KALRN: variants seen among roughly 807,000 people sequenced by gnomAD.
The protein encoded by KALRN is kalirin RhoGEF kinase.
Under a neutral mutation model 353.7 loss-of-function variants are expected in KALRN, and 70 were observed. That is an observed-to-expected ratio of 0.20 (90% CI 0.16 to 0.24). KALRN has a LOEUF of 0.24. Among genes scored for constraint, KALRN ranks in the 10% least tolerant of loss-of-function variants. KALRN has a pLI of 1.00. For synonymous variants in KALRN, 1,391 were observed against 1,434.8 expected (o/e 0.97, Z 0.69); for missense variants, 2,791 against 3,756.7 (o/e 0.74, Z 6.72).
chr3:124,357,029 C>A (rs991084650), intron 10 of KALRN, among the ~76,000 whole-genome samples: 1 of 152,212 alleles, frequency 6.6e-6, no homozygotes, highest in African/African-American at 2.4e-5. Flanking sequence ...TCACCTCCCA[C>A]CCCTTCCGGT....
At chr3:124,059,275 TTTC>T (rs1285210964) in intron 1 of KALRN, among the ~76,000 whole-genome samples, 1 of 152,212 alleles carries the variant, frequency 6.6e-6, no homozygotes, top group Non-Finnish European at 1.5e-5. Flanking sequence ...TGAAAAGTAT[TTTC>T]TTATTTATTT....
intron 34 of KALRN, among the ~76,000 whole-genome samples, chr3:124,568,384 A>G (rs1410533511): frequency 6.6e-6 from 1 of 152,234 alleles, no homozygotes; most frequent in African/African-American, 2.4e-5. Flanking sequence ...GAGAAATTGG[A>G]ACCCTTGTAC....
intron 1 of KALRN, among the ~76,000 whole-genome samples, chr3:124,071,959 T>A (rs111431676): frequency 1.5e-4 from 23 of 152,342 alleles, no homozygotes; most frequent in African/African-American, 4.8e-4. Flanking sequence ...CATCAGTTCT[T>A]GAGTCACAGA....
At chr3:124,480,506 C>T (rs1354507376) in intron 27 of KALRN, among the ~76,000 whole-genome samples, 1 of 152,186 alleles carries the variant, frequency 6.6e-6, no homozygotes, top group Non-Finnish European at 1.5e-5. Flanking sequence ...CCCTACATTG[C>T]ATACCTGGAC....
intron 27 of KALRN, among the ~76,000 whole-genome samples, chr3:124,479,396 A>G (rs2061737313): frequency 6.6e-6 from 1 of 152,122 alleles, no homozygotes; most frequent in Non-Finnish European, 1.5e-5. Context: ...TGCTTTCAAA[A>G]CTTTCCAAAA....
chr3:124,323,175 A>G (rs977534316), intron 6 of KALRN, among the ~76,000 whole-genome samples: 17 of 152,176 alleles, frequency 1.1e-4, no homozygotes, highest in Non-Finnish European at 1.5e-4. Flanking sequence ...GTTTTAATCT[A>G]TGATCACAGG....
intron 23 of KALRN, among the ~76,000 whole-genome samples, chr3:124,461,098 T>C (rs2059816409): frequency 6.6e-6 from 1 of 152,246 alleles, no homozygotes; most frequent in African/African-American, 2.4e-5. Context: ...ACCTACCAAC[T>C]ATTTCATATG....
At chr3:124,123,799 A>G (rs2064313365) in intron 1 of KALRN, among the ~76,000 whole-genome samples, 1 of 152,214 alleles carries the variant, frequency 6.6e-6, no homozygotes, top group South Asian at 2.1e-4. Context: ...TCCCGAATCC[A>G]AGAAAGCCTG....
At chr3:124,495,120 G>T (rs922123691) in intron 32 of KALRN, among the ~76,000 whole-genome samples, 1 of 152,150 alleles carries the variant, frequency 6.6e-6, no homozygotes, top group South Asian at 2.1e-4. Flanking sequence ...TGTGTGGTCC[G>T]GGGCCCAGGA....
intron 45 of KALRN, among the ~76,000 whole-genome samples, chr3:124,663,273 A>G (rs1201380078): frequency 2.6e-5 from 4 of 152,168 alleles, no homozygotes; most frequent in African/African-American, 9.7e-5. Context: ...TAAGGACATC[A>G]GTCATATTCT....
rs370643932 is a variant in KALRN at position 124,530,653 on chromosome 3, G to A, written c.4936-32190G>A. Among the ~76,000 whole-genome samples the A allele has an allele frequency of 2.0e-4, 31 of 152,230 alleles. No homozygotes were observed. In the South Asian group the frequency reaches 6.4e-3, roughly 32 times the overall value. On this transcript the variant is annotated intron_variant, in intron 33 of 59. Coordinates refer to ENST00000682506, the MANE Select transcript of KALRN (RefSeq NM_001388419.1). ...TAATCCTCAGCCTCCCAAAGTGCGA[G>A]GATTACAAGCCGGGTTGTTTTAAGA...
At chr3:124,129,489 G>T (rs2065046412) in intron 1 of KALRN, among the ~76,000 whole-genome samples, 1 of 152,188 alleles carries the variant, frequency 6.6e-6, no homozygotes, top group African/African-American at 2.4e-5. Context: ...GGTATGTTTT[G>T]TAAGGTCAGG....
intron 9 of KALRN, among the ~76,000 whole-genome samples, chr3:124,339,718 A>G (rs973395272): frequency 6.6e-6 from 1 of 152,204 alleles, no homozygotes; most frequent in Non-Finnish European, 1.5e-5. Context: ...TGGCATATAG[A>G]TGATCCTTAA....
In KALRN at chr3:124,376,143, G is replaced by A. The variant is rs192844902; in HGVS notation, c.1771-8702G>A. ...TAAATGTGATAAAGTTGGTGTTTAA[G>A]TCCTCAGAGATAGTCTCAGTACCGA... On this transcript the variant is annotated intron_variant, in intron 10 of 59. Transcript: ENST00000682506. Among the ~76,000 whole-genome samples, 218 of 152,302 alleles carry A rather than the reference G, an allele frequency of 1.4e-3. 3 individuals are homozygous for A. In the South Asian group the frequency reaches 0.018, roughly 13 times the overall value.
At chr3:124,534,086 C>G (rs1456333639) in intron 33 of KALRN, among the ~76,000 whole-genome samples, 23 of 152,078 alleles carry the variant, frequency 1.5e-4, no homozygotes, top group Admixed American at 1.5e-3. Flanking sequence ...TACAAAATAC[C>G]TCACCAAAAC....
At chr3:124,380,773 T>C (rs995884928) in intron 10 of KALRN, among the ~76,000 whole-genome samples, 4 of 152,212 alleles carry the variant, frequency 2.6e-5, no homozygotes, top group Admixed American at 2.0e-4. Flanking sequence ...GGTAATACTT[T>C]AGTTGATATT....
At chr3:124,622,690 ATCT>A (rs2079414049) in intron 34 of KALRN, among the ~76,000 whole-genome samples, 3 of 152,154 alleles carry the variant, frequency 2.0e-5, no homozygotes, top group Non-Finnish European at 4.4e-5. Context: ...TATTAGAATT[ATCT>A]TCTTTTTCTG....
At chr3:124,034,057 T>C (rs1021341354) in intron 1 of KALRN, among the ~76,000 whole-genome samples, 8 of 151,958 alleles carry the variant, frequency 5.3e-5, no homozygotes, top group African/African-American at 1.9e-4. Flanking sequence ...CGGGAGTCTG[T>C]GTTGGGGAGG....
At chr3:124,311,035 T>A (rs2078196971) in intron 6 of KALRN, among the ~76,000 whole-genome samples, 1 of 141,112 alleles carries the variant, frequency 7.1e-6, no homozygotes, top group Admixed American at 7.3e-5. Context: ...CAGGGAAACG[T>A]AAATCAAAAC....
Sources: gnomAD v4.1 joint callset for allele counts (sites outside exome capture counted in the v4.1 genomes callset) on GRCh38, gnomAD v4.1.1 for gene constraint, MANE v1.5 for transcripts, NCBI Gene and HGNC (gene_info 2026-07-23, HGNC 2026-07-21) for gene names.